NRG1: variants seen among roughly 807,000 people sequenced by gnomAD.
The protein encoded by NRG1 is neuregulin 1.
NRG1 carries 18 observed loss-of-function variants against 63.8 expected under a neutral mutation model. The observed-to-expected ratio is 0.28, with a 90% CI of 0.19 to 0.42. The LOEUF is 0.42. Among genes scored for constraint, NRG1 ranks in the 10% least tolerant of loss-of-function variants. The probability of loss-of-function intolerance (pLI) is 1.00; values close to 1 mark genes in which losing one functional copy is unlikely to be tolerated. For missense variants in NRG1, 762 were observed against 814.7 expected, an observed-to-expected ratio of 0.94 and a Z score of 0.79; for synonymous variants, 302 against 301.3, an observed-to-expected ratio of 1.00 and a Z score of -0.02.
rs372679041 is a variant in NRG1, at chr8:31,731,961, A to C, written c.37+92530A>C. On this transcript the variant is annotated intron_variant, in intron 1 of 10. Coordinates refer to the NRG1 transcript ENST00000519301. Reference sequence around the variant, plus strand: ...TTGCTGTGAAGAGTCAGTAAGATGTAATCAACCAGCGAATGTTAGGTGCTC... The same window carrying C: ...TTGCTGTGAAGAGTCAGTAAGATGTCATCAACCAGCGAATGTTAGGTGCTC... 5.3e-5 allele frequency among the ~76,000 whole-genome samples: 8 copies of C among 152,342 alleles called. No homozygotes were observed. In the South Asian group the frequency reaches 8.3e-4, roughly 16 times the overall value.
At chr8:32,580,844 ACATAGTACC>A (rs66600411) in intron 1 of NRG1, among the ~76,000 whole-genome samples, 27,683 of 152,076 alleles carry the variant, frequency 0.18, 3,133 homozygotes, top group Non-Finnish European at 0.27. Flanking sequence ...TTTCTAAATG[ACATAGTACC>A]CATTGAGCAG....
intron 1 of NRG1, among the ~76,000 whole-genome samples, chr8:32,054,389 T>A (rs1822498284): frequency 6.6e-6 from 1 of 152,182 alleles, no homozygotes; most frequent in Non-Finnish European, 1.5e-5. Context: ...AATGAGGGAA[T>A]GCTTATTGAG....
intron 1 of NRG1, among the ~76,000 whole-genome samples, chr8:32,073,853 T>G (rs1209818374): frequency 5.3e-5 from 8 of 152,220 alleles, no homozygotes; most frequent in Non-Finnish European, 1.2e-4. Flanking sequence ...GAAAGTTATT[T>G]TTTTCATGTC....
chr8:32,412,124 A>G (rs1359440498), intron 1 of NRG1, among the ~76,000 whole-genome samples: 1 of 152,222 alleles, frequency 6.6e-6, no homozygotes, highest in East Asian at 1.9e-4. Flanking sequence ...GCTGAGTAAG[A>G]GGGAACTACT....
intron 1 of NRG1, among the ~76,000 whole-genome samples, chr8:31,939,693 GACTC>G (rs1269142104): frequency 6.6e-6 from 1 of 151,954 alleles, no homozygotes; most frequent in African/African-American, 2.4e-5. Context: ...AACACATAAG[GACTC>G]ACATCAACTT....
chr8:32,525,621 C>G (rs954976782), intron 1 of NRG1, among the ~76,000 whole-genome samples: 1 of 152,132 alleles, frequency 6.6e-6, no homozygotes, highest in Non-Finnish European at 1.5e-5. Flanking sequence ...GACTAAACCT[C>G]CTGTCCCCCA....
intron 1 of NRG1, among the ~76,000 whole-genome samples, chr8:32,479,690 A>G (rs918834022): frequency 3.3e-5 from 5 of 152,002 alleles, no homozygotes; most frequent in Non-Finnish European, 7.4e-5. Context: ...CTGCTCTGTC[A>G]TCAGTCTGGA....
At chr8:31,913,680 T>C (rs551269826) in intron 1 of NRG1, among the ~76,000 whole-genome samples, 114 of 152,194 alleles carry the variant, frequency 7.5e-4, no homozygotes, top group African/African-American at 2.6e-3. Flanking sequence ...TTCAAGTCAC[T>C]CTTAGGCGCT....
chr8:32,176,928 C>T (rs1344325965), intron 1 of NRG1, among the ~76,000 whole-genome samples: 1 of 152,102 alleles, frequency 6.6e-6, no homozygotes, highest in Non-Finnish European at 1.5e-5. Flanking sequence ...GGCGATTCCT[C>T]AGGGATCTAG....
intron 8 of NRG1, among the ~76,000 whole-genome samples, chr8:32,755,542 T>C (rs1288677402): frequency 6.6e-6 from 1 of 152,140 alleles, no homozygotes; most frequent in Non-Finnish European, 1.5e-5. Context: ...CAATATTCGC[T>C]GCCTAATTGC....
chr8:31,897,509 C>T (rs1484532897), intron 1 of NRG1, among the ~76,000 whole-genome samples: 2 of 152,096 alleles, frequency 1.3e-5, no homozygotes, highest in Non-Finnish European at 2.9e-5. Flanking sequence ...AAGAGAATCC[C>T]TTTCCTTTTC....
chr8:32,469,772 A>G (rs534432177), intron 1 of NRG1, among the ~76,000 whole-genome samples: 37 of 152,198 alleles, frequency 2.4e-4, no homozygotes, highest in Non-Finnish European at 4.7e-4. Flanking sequence ...GAATCCTAAG[A>G]GAGGATGATA....
At chr8:32,290,459 A>G (rs1306062490) in intron 1 of NRG1, among the ~76,000 whole-genome samples, 1 of 152,238 alleles carries the variant, frequency 6.6e-6, no homozygotes, top group South Asian at 2.1e-4. Flanking sequence ...ACCATTTCAC[A>G]TATGATTGCA....
chr8:32,209,649 T>C (rs956813025), intron 1 of NRG1, among the ~76,000 whole-genome samples: 1 of 152,214 alleles, frequency 6.6e-6, no homozygotes, highest in African/African-American at 2.4e-5. Flanking sequence ...TTTTATCAAA[T>C]GAGCAAACTT....
chr8:32,558,783 A>G (rs1835709396), intron 1 of NRG1, among the ~76,000 whole-genome samples: 1 of 152,106 alleles, frequency 6.6e-6, no homozygotes, highest in African/African-American at 2.4e-5. Flanking sequence ...CTCTGGAGCA[A>G]TGTAAGTTAC....
chr8:32,272,045 T>C (rs966115499), intron 1 of NRG1, among the ~76,000 whole-genome samples: 5 of 152,264 alleles, frequency 3.3e-5, no homozygotes, highest in East Asian at 3.9e-4. Context: ...GGTTAGAACA[T>C]TGTGTTTTCA....
At chr8:32,238,994 A>C (rs1847845542) in intron 1 of NRG1, among the ~76,000 whole-genome samples, 1 of 152,108 alleles carries the variant, frequency 6.6e-6, no homozygotes, top group South Asian at 2.1e-4. Context: ...AAAGAAGACT[A>C]TTCTGGAAAT....
intron 1 of NRG1, among the ~76,000 whole-genome samples, chr8:31,891,730 T>C (rs1028832645): frequency 3.3e-5 from 5 of 152,138 alleles, no homozygotes; most frequent in Non-Finnish European, 5.9e-5. Context: ...AGCTGCAAAC[T>C]GGAAACATCT....
intron 1 of NRG1, among the ~76,000 whole-genome samples, chr8:31,746,561 C>A (rs539108143): frequency 1.6e-4 from 24 of 151,982 alleles, no homozygotes; most frequent in Non-Finnish European, 2.8e-4. Flanking sequence ...TACAGGTAGG[C>A]CCGATACAAG....
Sources: gnomAD v4.1 joint callset for allele counts (sites outside exome capture counted in the v4.1 genomes callset) on GRCh38, gnomAD v4.1.1 for gene constraint, MANE v1.5 for transcripts, NCBI Gene and HGNC (gene_info 2026-07-23, HGNC 2026-07-21) for gene names.